MCC: variants seen among roughly 807,000 people sequenced by gnomAD.
MCC encodes the protein colorectal mutant cancer protein.
A neutral mutation model predicts 116.2 loss-of-function variants in MCC; 90 were observed. The observed-to-expected ratio is 0.77, with a 90% CI of 0.65 to 0.92. The LOEUF is 0.92. MCC is among the 40% of genes least tolerant of loss of function. The probability of loss-of-function intolerance (pLI) is 0.00; values close to 1 mark genes in which losing one functional copy is unlikely to be tolerated. For synonymous variants in MCC, 578 were observed against 510.5 expected (o/e 1.13, Z -1.78); for missense variants, 1,516 against 1,312.2 (o/e 1.16, Z -2.40).
At chr5:113,059,900 G>A (rs969119966) in intron 14 of MCC, among the ~76,000 whole-genome samples, 5 of 152,188 alleles carry the variant, frequency 3.3e-5, no homozygotes, top group Non-Finnish European at 5.9e-5. Flanking sequence ...ACCAGCTATC[G>A]ACGTCAAATA....
At chr5:113,033,399 T>C (rs907175631) in intron 17 of MCC, among the ~76,000 whole-genome samples, 2 of 152,220 alleles carry the variant, frequency 1.3e-5, no homozygotes, top group Admixed American at 1.3e-4. Flanking sequence ...AGTCTACAGT[T>C]TTCCTCAGAT....
intron 3 of MCC, among the ~76,000 whole-genome samples, chr5:113,160,891 G>C (rs775850720): frequency 6.6e-6 from 1 of 152,106 alleles, no homozygotes; most frequent in Non-Finnish European, 1.5e-5. Flanking sequence ...TTGTAGTATA[G>C]GTAAAACAAG....
chr5:113,162,445 A>G (rs977714861), intron 3 of MCC, among the ~76,000 whole-genome samples: 1 of 152,184 alleles, frequency 6.6e-6, no homozygotes. Context: ...CAGGCAAATC[A>G]CTTAACCACA....
chr5:113,128,930 C>G (rs1279292683), intron 5 of MCC, among the ~76,000 whole-genome samples: 3 of 152,126 alleles, frequency 2.0e-5, no homozygotes, highest in African/African-American at 7.2e-5. Context: ...CCAAGATGTA[C>G]GTGATACCAA....
At chr5:113,391,804 A>G (rs1162517794) in intron 1 of MCC, among the ~76,000 whole-genome samples, 1 of 151,928 alleles carries the variant, frequency 6.6e-6, no homozygotes, top group African/African-American at 2.4e-5. Context: ...CAGGAGAACT[A>G]GAAGCACAAA....
chr5:113,374,381 G>A (rs962398555), intron 2 of MCC, among the ~76,000 whole-genome samples: 4 of 151,984 alleles, frequency 2.6e-5, no homozygotes, highest in African/African-American at 9.7e-5. Flanking sequence ...CAAACGTCAG[G>A]AGCCCTAAAC....
chr5:113,221,922 G>C (rs1398693993), intron 3 of MCC, among the ~76,000 whole-genome samples: 1 of 151,588 alleles, frequency 6.6e-6, no homozygotes, highest in Non-Finnish European at 1.5e-5. Flanking sequence ...TTTCTCTATT[G>C]CAATTCCCCT....
intron 3 of MCC, among the ~76,000 whole-genome samples, chr5:113,303,959 G>T (rs997832303): frequency 2.0e-4 from 31 of 152,144 alleles, no homozygotes; most frequent in Admixed American, 5.2e-4. Context: ...TAGCCTGGAG[G>T]TAACTTTTGG....
At position 113,071,219 on chromosome 5, in the gene MCC, G is replaced by C. The variant is rs527413358; in HGVS notation, c.1800C>G (p.Leu600=). 1 of 1,614,020 alleles carries C rather than the reference G, an allele frequency of 6.2e-7. No individual in the cohort carries two copies. The highest frequency in any genetic ancestry group is 2.2e-5 in the East Asian group (1 of 44,884). The change falls in exon 12 of 19, where the codon CTC becomes CTG. Residue 600 remains leucine (L), a synonymous_variant. Transcript: ENST00000408903. ...TERLNSRIEH[L]KSQNDLLTIT... ...TGGTCAGGAGGTCATTTTGGGATTTGAGGTGCTCAATCCGGCTACAAAGGA... is the reference window on the plus strand; with the variant it reads ...TGGTCAGGAGGTCATTTTGGGATTTCAGGTGCTCAATCCGGCTACAAAGGA...
intron 16 of MCC, among the ~76,000 whole-genome samples, chr5:113,046,743 C>G (rs1231239635): frequency 2.1e-5 from 3 of 140,236 alleles, no homozygotes; most frequent in Non-Finnish European, 4.6e-5. Context: ...TGTATGGAAC[C>G]TCATCTTCCC....
At chr5:113,271,836 G>A (rs1241990246) in intron 3 of MCC, among the ~76,000 whole-genome samples, 1 of 152,096 alleles carries the variant, frequency 6.6e-6, no homozygotes, top group Non-Finnish European at 1.5e-5. Flanking sequence ...CAGCAAGAAG[G>A]CCCCTGACAG....
At chr5:113,447,082 T>A (rs1771243082) in intron 1 of MCC, among the ~76,000 whole-genome samples, 2 of 152,204 alleles carry the variant, frequency 1.3e-5, no homozygotes, top group African/African-American at 4.8e-5. Context: ...CGTGTGGGTT[T>A]GGGAGGTAGA....
chr5:113,182,057 C>G (rs1489032870), intron 3 of MCC, among the ~76,000 whole-genome samples: 1 of 152,160 alleles, frequency 6.6e-6, no homozygotes, highest in Non-Finnish European at 1.5e-5. Context: ...GTGGGTTTAG[C>G]TGGAAGCATC....
intron 8 of MCC, among the ~76,000 whole-genome samples, chr5:113,089,952 G>C (rs1755478765): frequency 6.6e-6 from 1 of 152,216 alleles, no homozygotes; most frequent in African/African-American, 2.4e-5. Flanking sequence ...AATGATATCA[G>C]CTTTGGACAT....
At chr5:113,322,644 T>C (rs1214271563) in intron 3 of MCC, among the ~76,000 whole-genome samples, 1 of 152,212 alleles carries the variant, frequency 6.6e-6, no homozygotes, top group Non-Finnish European at 1.5e-5. Flanking sequence ...ACCTCCTGTT[T>C]TAAAGAATCA....
At chr5:113,390,021 T>C (rs957958986) in intron 1 of MCC, among the ~76,000 whole-genome samples, 2 of 152,136 alleles carry the variant, frequency 1.3e-5, no homozygotes, top group African/African-American at 2.4e-5. Flanking sequence ...AGATACTAAA[T>C]TGAGACTGTC....
intron 3 of MCC, among the ~76,000 whole-genome samples, chr5:113,332,550 T>G (rs10069434): frequency 0.026 from 2,850 of 110,856 alleles, 51 homozygotes; most frequent in African/African-American, 0.032. Context: ...GGTGACAGAA[T>G]GAGAACCTGT....
intron 1 of MCC, among the ~76,000 whole-genome samples, chr5:113,460,877 A>C (rs971786287): frequency 6.6e-6 from 1 of 152,240 alleles, no homozygotes; most frequent in Non-Finnish European, 1.5e-5. Flanking sequence ...GCAATTTAAC[A>C]ATGTCCCCAA....
chr5:113,142,609 T>A (rs1204177162), intron 5 of MCC, among the ~76,000 whole-genome samples: 1 of 152,208 alleles, frequency 6.6e-6, no homozygotes, highest in African/African-American at 2.4e-5. Context: ...TCACTCTCTT[T>A]AAGCTCCAGC....
Sources: gnomAD v4.1 joint callset for allele counts (sites outside exome capture counted in the v4.1 genomes callset) on GRCh38, gnomAD v4.1.1 for gene constraint, MANE v1.5 for transcripts, NCBI Gene and HGNC (gene_info 2026-07-23, HGNC 2026-07-21) for gene names.